TLN2: variants seen among roughly 807,000 people sequenced by gnomAD.
The protein encoded by TLN2 is talin 2.
A neutral mutation model predicts 294.7 loss-of-function variants in TLN2; 118 were observed. The observed-to-expected ratio is 0.40, with a 90% CI of 0.34 to 0.47. TLN2 has a LOEUF of 0.47. TLN2 is among the 20% of genes least tolerant of loss of function. The pLI is 0.84. For missense variants in TLN2, 3,083 were observed against 3,282.2 expected (o/e 0.94, Z 1.48); for synonymous variants, 1,431 against 1,304.5 (o/e 1.10, Z -2.09).
At chr15:62,576,881 G>T (rs538091004) in intron 1 of TLN2, among the ~76,000 whole-genome samples, 34 of 152,238 alleles carry the variant, frequency 2.2e-4, no homozygotes, top group Admixed American at 1.8e-3. Context: ...TGAGAGCAGG[G>T]GCTCATGTAG....
intron 3 of TLN2, chr15:62,640,248 G>A (rs1268065647): frequency 2.2e-6 from 1 of 456,064 alleles, no homozygotes; most frequent in Non-Finnish European, 4.4e-6. Context: ...TTCTTTGAGA[G>A]AGCTGAATCA....
chr15:62,598,628 T>C (rs1263126258), intron 2 of TLN2, among the ~76,000 whole-genome samples: 1 of 152,134 alleles, frequency 6.6e-6, no homozygotes, highest in East Asian at 1.9e-4. Context: ...TGTGTGTGTG[T>C]AAGTCAAGTA....
At chr15:62,653,051 G>A (rs12916083) in intron 6 of TLN2, 111 bp from the exon 7 acceptor site, 259,569 of 868,134 alleles carry the variant, frequency 0.3, 41,861 homozygotes, top group East Asian at 0.62. Context: ...TTGTAAGGCC[G>A]TTTCTGGTTC....
chr15:62,798,249 G>A (rs1444371622), intron 48 of TLN2, among the ~76,000 whole-genome samples: 1 of 152,152 alleles, frequency 6.6e-6, no homozygotes, highest in African/African-American at 2.4e-5. Flanking sequence ...GGAAGAGAGA[G>A]AAGAACTGGA....
chr15:62,813,375 C>T (rs764591337), intron 52 of TLN2, among the ~76,000 whole-genome samples: 2 of 152,074 alleles, frequency 1.3e-5, no homozygotes, highest in Non-Finnish European at 2.9e-5. Flanking sequence ...TTCTCTAAGG[C>T]CATTCAGAGG....
intron 37 of TLN2, among the ~76,000 whole-genome samples, chr15:62,760,979 A>G (rs1422506440): frequency 2.0e-5 from 3 of 152,144 alleles, no homozygotes; most frequent in Non-Finnish European, 4.4e-5. Context: ...CTGCTCTTCT[A>G]ACACCCTAGA....
chr15:62,616,769 T>C (rs2048348225), intron 2 of TLN2, among the ~76,000 whole-genome samples: 1 of 152,250 alleles, frequency 6.6e-6, no homozygotes, highest in Non-Finnish European at 1.5e-5. Context: ...TTAACATCAT[T>C]ATATTCAACC....
chr15:62,833,552 A>T lies in TLN2; in HGVS notation c.7051A>T (p.Lys2351Ter). 6.2e-7 allele frequency: 1 copy of T among 1,614,170 alleles called. No individual in the cohort carries two copies. The highest frequency in any genetic ancestry group is 8.5e-7 in the Non-Finnish European group (1 of 1,180,014). ...TGAGGAACAGATCTTGGAAGCTGCT[A>T]AATCCATTGCTGCTGCCACAAGCGC... is the stretch of plus-strand genomic sequence containing the variant. ...DFEEQILEAA[K>*]SIAAATSALV... The change falls in exon 55 of 59, where the codon AAA (lysine) becomes TAA (stop). Residue 2351 changes from lysine (K) to a stop codon, truncating the protein, a stop_gained. Transcript: ENST00000636159. LOFTEE classifies it high-confidence loss of function.
At chr15:62,453,182 C>T (rs980916876) in intron 1 of TLN2, among the ~76,000 whole-genome samples, 1 of 151,164 alleles carries the variant, frequency 6.6e-6, no homozygotes, top group Non-Finnish European at 1.5e-5. Flanking sequence ...AAAGGGCATG[C>T]GGTTGGCTAG....
At chr15:62,497,578 G>A (rs905913079) in intron 1 of TLN2, among the ~76,000 whole-genome samples, 20 of 152,086 alleles carry the variant, frequency 1.3e-4, no homozygotes, top group African/African-American at 3.9e-4. Flanking sequence ...TCTGAAAATC[G>A]TTTCTCAGGG....
At chr15:62,672,320 G>A (rs1567314709) in intron 9 of TLN2, among the ~76,000 whole-genome samples, 1 of 152,102 alleles carries the variant, frequency 6.6e-6, no homozygotes. Flanking sequence ...GGTGACCAAT[G>A]ATTTTTTAAA....
chr15:62,662,431 A>C (rs1393019489), intron 9 of TLN2, among the ~76,000 whole-genome samples: 1 of 152,234 alleles, frequency 6.6e-6, no homozygotes, highest in East Asian at 1.9e-4. Context: ...TGTAATACCA[A>C]AATGAATACA....
At chr15:62,421,497 A>G (rs1475291677) in intron 1 of TLN2, among the ~76,000 whole-genome samples, 1 of 152,238 alleles carries the variant, frequency 6.6e-6, no homozygotes, top group Non-Finnish European at 1.5e-5. Context: ...TACAGCCATA[A>G]AAAAGAATGA....
intron 3 of TLN2, chr15:62,638,356 T>C (rs2050620944): frequency 2.8e-6 from 1 of 360,904 alleles, no homozygotes; most frequent in African/African-American, 2.1e-5. Context: ...AGGCAGCAAA[T>C]GCACATATCC....
chr15:62,516,272 A>G (rs1293922838), intron 1 of TLN2, among the ~76,000 whole-genome samples: 1 of 152,212 alleles, frequency 6.6e-6, no homozygotes, highest in Non-Finnish European at 1.5e-5. Flanking sequence ...TGGCAATAAG[A>G]GCTTCTAAAT....
intron 4 of TLN2, among the ~76,000 whole-genome samples, chr15:62,648,547 T>G (rs1376620887): frequency 7.6e-6 from 1 of 131,798 alleles, no homozygotes; most frequent in Non-Finnish European, 1.5e-5. Context: ...TGATGACGAT[T>G]TTTTTTTTTT....
intron 1 of TLN2, among the ~76,000 whole-genome samples, chr15:62,580,889 T>C (rs1157757760): frequency 6.6e-6 from 1 of 151,328 alleles, no homozygotes; most frequent in East Asian, 1.9e-4. Flanking sequence ...TTTTTTTTTT[T>C]TTTTTCTTTT....
At chr15:62,591,286 T>C (rs746345873) in intron 2 of TLN2, among the ~76,000 whole-genome samples, 3 of 152,212 alleles carry the variant, frequency 2.0e-5, no homozygotes, top group Non-Finnish European at 2.9e-5. Context: ...AGCCATAGAC[T>C]AACCAAAATT....
intron 1 of TLN2, among the ~76,000 whole-genome samples, chr15:62,475,428 G>T (rs933143508): frequency 1.3e-5 from 2 of 152,156 alleles, no homozygotes; most frequent in Admixed American, 6.5e-5. Context: ...ATGTGTCAGG[G>T]CTAACCGAAG....
Sources: allele counts gnomAD v4.1 joint callset (sites outside exome capture counted in the v4.1 genomes callset), GRCh38; gene constraint gnomAD v4.1.1; transcripts MANE v1.5; gene names NCBI Gene and HGNC (gene_info 2026-07-23, HGNC 2026-07-21).